DLGAP2: variants seen among roughly 807,000 people sequenced by gnomAD.
DLGAP2 encodes DLG associated protein 2.
Under a neutral mutation model 100.3 loss-of-function variants are expected in DLGAP2, and 26 were observed. That is an observed-to-expected ratio of 0.26 (90% CI 0.19 to 0.36). The LOEUF is 0.36. Ranked by LOEUF, DLGAP2 falls within the 10% of genes least tolerant of loss-of-function variation. The pLI is 1.00. For missense variants in DLGAP2, 1,858 were observed against 1,453.2 expected (o/e 1.28, Z -4.53); for synonymous variants, 886 against 630.1 (o/e 1.41, Z -6.08).
At chr8:1,362,214 C>T (rs980201681) in intron 3 of DLGAP2, among the ~76,000 whole-genome samples, 2 of 152,020 alleles carry the variant, frequency 1.3e-5, no homozygotes, top group Non-Finnish European at 2.9e-5. Flanking sequence ...AGCGAGTCCT[C>T]GGGAACTGTG....
At chr8:778,602 G>T (rs1182980563) in intron 1 of DLGAP2, among the ~76,000 whole-genome samples, 1 of 152,178 alleles carries the variant, frequency 6.6e-6, no homozygotes, top group Non-Finnish European at 1.5e-5. Flanking sequence ...GGAGTACCCT[G>T]CCCTGTGTCA....
intron 2 of DLGAP2, among the ~76,000 whole-genome samples, chr8:1,181,188 C>CACACATCG (rs1797379264): frequency 6.3e-5 from 6 of 95,450 alleles, no homozygotes; most frequent in South Asian, 3.8e-4. Context: ...GTGTGGGTGG[C>CACACATCG]TGTGCAAGGG....
At chr8:1,169,289 G>T (rs1179436989) in intron 2 of DLGAP2, among the ~76,000 whole-genome samples, 2 of 152,194 alleles carry the variant, frequency 1.3e-5, no homozygotes, top group African/African-American at 2.4e-5. Context: ...CTGTAGCCTT[G>T]TAATATACTT....
chr8:841,363 G>C (rs1364338575), intron 1 of DLGAP2, among the ~76,000 whole-genome samples: 1 of 152,132 alleles, frequency 6.6e-6, no homozygotes. Flanking sequence ...TCTTCACTTG[G>C]CTCTGAGTCC....
At chr8:1,505,996 C>G (rs780045746) in intron 4 of DLGAP2, among the ~76,000 whole-genome samples, 1 of 152,132 alleles carries the variant, frequency 6.6e-6, no homozygotes, top group Admixed American at 6.5e-5. Context: ...ATATGCAGCA[C>G]AACACTGAGA....
chr8:748,422 G>C (rs1203454875), intron 1 of DLGAP2, among the ~76,000 whole-genome samples: 1 of 152,098 alleles, frequency 6.6e-6, no homozygotes, highest in Non-Finnish European at 1.5e-5. Flanking sequence ...AGCCACAGGG[G>C]TGCAGGGCCC....
intron 3 of DLGAP2, among the ~76,000 whole-genome samples, chr8:1,424,645 G>C (rs1472585100): frequency 6.6e-6 from 1 of 152,214 alleles, no homozygotes; most frequent in Non-Finnish European, 1.5e-5. Flanking sequence ...AGGCCGGATA[G>C]GACAAGGATG....
At chr8:1,331,242 C>T (rs1021671632) in intron 3 of DLGAP2, among the ~76,000 whole-genome samples, 2 of 152,142 alleles carry the variant, frequency 1.3e-5, no homozygotes, top group Non-Finnish European at 1.5e-5. Context: ...ATACTGTGTG[C>T]CATAACTAAG....
At chr8:1,052,244 C>A in intron 2 of DLGAP2, among the ~76,000 whole-genome samples, 1 of 152,206 alleles carries the variant, frequency 6.6e-6, no homozygotes. Flanking sequence ...TCATACATAG[C>A]CCAGGGGGTT....
intron 3 of DLGAP2, among the ~76,000 whole-genome samples, chr8:1,312,962 T>C (rs1303469302): frequency 1.3e-5 from 2 of 152,196 alleles, no homozygotes; most frequent in African/African-American, 4.8e-5. Flanking sequence ...ATCTCAAAGA[T>C]AGTGTGTCTC....
intron 3 of DLGAP2, among the ~76,000 whole-genome samples, chr8:1,333,827 C>T (rs1801212381): frequency 6.6e-6 from 1 of 152,228 alleles, no homozygotes; most frequent in Non-Finnish European, 1.5e-5. Context: ...ACTTATCTAG[C>T]AGAGCAGGTG....
At chr8:1,099,338 G>C (rs1003796454) in intron 2 of DLGAP2, among the ~76,000 whole-genome samples, 2 of 152,230 alleles carry the variant, frequency 1.3e-5, no homozygotes, top group African/African-American at 4.8e-5. Flanking sequence ...GTAGAGACGT[G>C]TGTCTCCGGT....
intron 2 of DLGAP2, among the ~76,000 whole-genome samples, chr8:1,007,607 G>C (rs1383819769): frequency 6.8e-6 from 1 of 147,108 alleles, no homozygotes; most frequent in African/African-American, 2.5e-5. Context: ...GTCCAGTGGT[G>C]GTCTTCTCTA....
At chr8:1,161,802 T>TG (rs1796895434) in intron 2 of DLGAP2, among the ~76,000 whole-genome samples, 1 of 151,746 alleles carries the variant, frequency 6.6e-6, no homozygotes, top group Non-Finnish European at 1.5e-5. Flanking sequence ...GGAGGCCTGC[T>TG]GGGGATAGAC....
At chr8:836,847 ACT>A (rs575203367) in intron 1 of DLGAP2, among the ~76,000 whole-genome samples, 86 of 151,420 alleles carry the variant, frequency 5.7e-4, no homozygotes, top group African/African-American at 1.7e-3. Context: ...ACCATACCAG[ACT>A]CTGCGCTCGT....
chr8:1,449,088 G>A lies in DLGAP2; in HGVS notation c.107-52278G>A, dbSNP rs146215051. Among the ~76,000 whole-genome samples the A allele has an allele frequency of 3.7e-4, 57 of 152,262 alleles. 1 individual carries two copies. The highest frequency in any genetic ancestry group is 3.4e-3 in the Middle Eastern group (1 of 294). On this transcript the variant is annotated intron_variant, in intron 3 of 14. Coordinates refer to ENST00000637795, the MANE Select transcript of DLGAP2 (RefSeq NM_001346810.2). Reference sequence around the variant, plus strand: ...CCCAGAGCAGCTCTGGGAATGCCTCGTGCCTGTCATCCCGGCCTAATGATT... The same window carrying A: ...CCCAGAGCAGCTCTGGGAATGCCTCATGCCTGTCATCCCGGCCTAATGATT...
intron 2 of DLGAP2, among the ~76,000 whole-genome samples, chr8:1,154,968 C>T (rs1796755035): frequency 6.6e-6 from 1 of 152,230 alleles, no homozygotes; most frequent in Non-Finnish European, 1.5e-5. Context: ...CTCACCAGGA[C>T]GTGAATGGCT....
intron 2 of DLGAP2, among the ~76,000 whole-genome samples, chr8:1,227,977 G>A (rs1798456126): frequency 2.0e-5 from 3 of 151,710 alleles, no homozygotes; most frequent in Non-Finnish European, 4.4e-5. Context: ...TATAGTAACC[G>A]TTTTACTATT....
chr8:1,152,236 AATACTT>A (rs1796709586), intron 2 of DLGAP2, among the ~76,000 whole-genome samples: 1 of 152,228 alleles, frequency 6.6e-6, no homozygotes, highest in African/African-American at 2.4e-5. Context: ...TGTTGATACT[AATACTT>A]TGTGACTTTT....
Sources: gnomAD v4.1 joint callset for allele counts (sites outside exome capture counted in the v4.1 genomes callset) on GRCh38, gnomAD v4.1.1 for gene constraint, MANE v1.5 for transcripts, NCBI Gene and HGNC (gene_info 2026-07-23, HGNC 2026-07-21) for gene names.